Variants in OVCH1 observed in about 807,000 individuals in gnomAD.
The protein encoded by OVCH1 is ovochymase-1.
A neutral mutation model predicts 138.4 loss-of-function variants in OVCH1; 139 were observed. That is an observed-to-expected ratio of 1.00 (90% CI 0.87 to 1.16). The LOEUF (loss-of-function observed/expected upper bound fraction) is 1.16, where lower values mean the gene tolerates loss of function less well. OVCH1 is among the 50% of genes most tolerant of loss of function. OVCH1 has a pLI of 0.00. For missense variants in OVCH1, 1,367 were observed against 1,357.9 expected (o/e 1.01, Z -0.11); for synonymous variants, 453 against 467.8 (o/e 0.97, Z 0.41).
chr12:29,494,563 A>G (rs1466419579), intron 4 of OVCH1, among the ~76,000 whole-genome samples: 1 of 152,216 alleles, frequency 6.6e-6, no homozygotes, highest in African/African-American at 2.4e-5. Flanking sequence ...TGGCCAAAAT[A>G]TGGACTTAAG....
At chr12:29,423,729 CTAAAA>C (rs903604180), downstream of OVCH1, among the ~76,000 whole-genome samples, 3 of 152,130 alleles carry the variant, frequency 2.0e-5, no homozygotes, top group Admixed American at 6.5e-5. Context: ...TTAAGTTCTC[CTAAAA>C]TAAAACAATG....
chr12:29,403,260 A>C, the OVCH1 span, among the ~76,000 whole-genome samples: 2 of 152,208 alleles, frequency 1.3e-5, no homozygotes, highest in African/African-American at 4.8e-5. Flanking sequence ...AAACTTTTAT[A>C]ATTTAATCAC....
intron 17 of OVCH1, 69 bp from the exon 18 acceptor site, chr12:29,464,771 T>G (rs1224164887): frequency 5.2e-6 from 7 of 1,351,660 alleles, no homozygotes; most frequent in Non-Finnish European, 7.2e-6. Context: ...TCCTTGTTGA[T>G]GGTCCAAAAT....
downstream of OVCH1, among the ~76,000 whole-genome samples, chr12:29,411,382 CTT>C (rs923683680): frequency 1.3e-5 from 2 of 151,534 alleles, no homozygotes; most frequent in African/African-American, 4.8e-5. Context: ...AGGTGCTCTG[CTT>C]TTTAGAGTTT....
At chr12:29,464,554 A>G (rs926247883) in exon 18 of OVCH1, 5 of 1,613,568 alleles carry the variant, frequency 3.1e-6, no homozygotes, top group Non-Finnish European at 4.2e-6. Context: ...CTCCGAGGAA[A>G]ATAGAGGCTC....
intron 12 of OVCH1, among the ~76,000 whole-genome samples, chr12:29,476,755 G>GCGCGCGCGCACACACA: frequency 9.7e-6 from 1 of 103,422 alleles, no homozygotes; most frequent in African/African-American, 3.8e-5. Context: ...ACACACGCGC[G>GCGCGCGCGCACACACA]CACACACACA....
At chr12:29,464,351 C>T (rs1186744582) in intron 18 of OVCH1, 156 bp downstream of exon 18, 4 of 875,602 alleles carry the variant, frequency 4.6e-6, no homozygotes, top group Non-Finnish European at 7.2e-6. Context: ...AGCTCATTCT[C>T]TATTTACTTG....
At chr12:29,434,724 A>AACCTT (rs1293931649) in intron 26 of OVCH1, among the ~76,000 whole-genome samples, 1 of 152,084 alleles carries the variant, frequency 6.6e-6, no homozygotes, top group African/African-American at 2.4e-5. Context: ...AACAAAAAAA[A>AACCTT]ACCTTACTAT....
At chr12:29,475,093 C>A (rs780718298) in exon 14 of OVCH1, 7 of 1,581,482 alleles carry the variant, frequency 4.4e-6, no homozygotes, top group South Asian at 1.2e-5. Context: ...GGCCTTGAAG[C>A]CTTGTAAACG....
intron 1 of OVCH1, 45 bp from the exon 2 acceptor site, chr12:29,496,719 A>G (rs1359843128): frequency 7.1e-7 from 1 of 1,418,260 alleles, no homozygotes; most frequent in Admixed American, 2.0e-5. Context: ...AGCCTTATGT[A>G]AGAGTTCACT....
chr12:29,442,107 C>G (rs2135921405), intron 25 of OVCH1, among the ~76,000 whole-genome samples: 1 of 151,432 alleles, frequency 6.6e-6, no homozygotes, highest in Admixed American at 6.6e-5. Flanking sequence ...TTTGACCCAG[C>G]CATCCCATTA....
At chr12:29,477,665 C>A in intron 9 of OVCH1, 187 bp from the exon 11 acceptor site, 2 of 1,471,042 alleles carry the variant, frequency 1.4e-6, no homozygotes, top group South Asian at 1.2e-5. Flanking sequence ...CCTTCTCAAC[C>A]CCCCAGTCTC....
At chr12:29,452,719 G>A (rs1941832049) in intron 21 of OVCH1, among the ~76,000 whole-genome samples, 1 of 152,086 alleles carries the variant, frequency 6.6e-6, no homozygotes, top group African/African-American at 2.4e-5. Flanking sequence ...ATACAGCCAT[G>A]AATTACCAAC....
intron 8 of OVCH1, among the ~76,000 whole-genome samples, chr12:29,482,489 A>G (rs1942966689): frequency 6.6e-6 from 1 of 152,146 alleles, no homozygotes; most frequent in African/African-American, 2.4e-5. Context: ...ATCTTTAAAA[A>G]TTATCCCATT....
intron 8 of OVCH1, among the ~76,000 whole-genome samples, 188 bp from the exon 10 acceptor site, chr12:29,479,156 A>G (rs1391617367): frequency 1.3e-5 from 2 of 152,252 alleles, no homozygotes; most frequent in African/African-American, 4.8e-5. Context: ...TCTGACAAAT[A>G]GATGAGTATT....
intron 21 of OVCH1, 97 bp from the exon 22 acceptor site, chr12:29,451,666 A>G: frequency 2.2e-6 from 2 of 894,844 alleles, no homozygotes; most frequent in South Asian, 1.7e-5. Context: ...GCTTGCAAGG[A>G]GAAAATTAAG....
intron 27 of OVCH1, among the ~76,000 whole-genome samples, chr12:29,432,552 T>C (rs73276902): frequency 0.17 from 26,255 of 152,082 alleles, 2,533 homozygotes; most frequent in African/African-American, 0.27. Flanking sequence ...ATGTTAAGTT[T>C]GAGATTCTTA....
intron 4 of OVCH1, among the ~76,000 whole-genome samples, chr12:29,493,652 A>G (rs1471565399): frequency 6.6e-6 from 1 of 152,118 alleles, no homozygotes; most frequent in Non-Finnish European, 1.5e-5. Flanking sequence ...TCTAATTCCA[A>G]TTACATTTTT....
chr12:29,407,939 G>A (rs2135861303), downstream of OVCH1, among the ~76,000 whole-genome samples: 1 of 148,464 alleles, frequency 6.7e-6, no homozygotes, highest in Middle Eastern at 3.5e-3. Flanking sequence ...CTACCCATGA[G>A]CATGGAATGT....
Sources: gnomAD v4.1 joint callset for allele counts (sites outside exome capture counted in the v4.1 genomes callset) on GRCh38, gnomAD v4.1.1 for gene constraint, MANE v1.5 for transcripts, NCBI Gene and HGNC (gene_info 2026-07-23, HGNC 2026-07-21) for gene names.